Variants in TTLL6 observed in about 807,000 individuals in gnomAD.
TTLL6 encodes the protein tubulin polyglutamylase TTLL6.
A neutral mutation model predicts 96.4 loss-of-function variants in TTLL6; 75 were observed. That is an observed-to-expected ratio of 0.78 (90% confidence interval 0.65 to 0.94). The LOEUF (loss-of-function observed/expected upper bound fraction) is 0.94, where lower values mean the gene tolerates loss of function less well. TTLL6 is among the 40% of genes least tolerant of loss of function. The pLI is 0.00. For missense variants in TTLL6, 1,030 were observed against 1,093.0 expected (o/e 0.94, Z 0.81); for synonymous variants, 411 against 419.4 (o/e 0.98, Z 0.24).
intron 1 of TTLL6, among the ~76,000 whole-genome samples, chr17:48,809,460 A>G (rs1401862043): frequency 6.6e-6 from 1 of 152,158 alleles, no homozygotes; most frequent in Non-Finnish European, 1.5e-5. Flanking sequence ...TTGGGGAGAG[A>G]AAACTGACCC....
chr17:48,792,558 G>A (rs1346647600), intron 8 of TTLL6, among the ~76,000 whole-genome samples: 1 of 152,102 alleles, frequency 6.6e-6, no homozygotes, highest in Non-Finnish European at 1.5e-5. Context: ...GAGGAAGCAG[G>A]GTCAGCCAGA....
At chr17:48,795,544 T>G (rs1476723596) in intron 8 of TTLL6, among the ~76,000 whole-genome samples, 1 of 152,100 alleles carries the variant, frequency 6.6e-6, no homozygotes, top group African/African-American at 2.4e-5. Flanking sequence ...AAGCCTCTCG[T>G]GAAGATACTC....
chr17:48,799,326 A>G (rs569581397), intron 6 of TTLL6, among the ~76,000 whole-genome samples: 1 of 152,342 alleles, frequency 6.6e-6, no homozygotes, highest in East Asian at 1.9e-4. Context: ...GGGCTTCCCC[A>G]AACCAAAGGT....
intron 13 of TTLL6, among the ~76,000 whole-genome samples, chr17:48,772,705 T>C (rs1234390364): frequency 7.0e-6 from 1 of 142,366 alleles, no homozygotes; most frequent in East Asian, 2.0e-4. Context: ...CACTCCAGCC[T>C]GGCGACAGAG....
In TTLL6 at chr17:48,801,554, C is replaced by A; in HGVS notation, c.451G>T (p.Glu151Ter). 1 of 1,551,940 alleles carries A rather than the reference C, an allele frequency of 6.4e-7. No homozygotes were observed. Among genetic ancestry groups the A allele is most frequent in the Non-Finnish European group, 8.7e-7 (1 of 1,147,036 alleles). The change falls in exon 4 of 16, where the codon GAG becomes TAG. Residue 151 changes from glutamate (E) to a stop codon, truncating the protein, a stop_gained. Coordinates refer to ENST00000393382, the MANE Select transcript of TTLL6 (RefSeq NM_001130918.3). LOFTEE classifies it high-confidence loss of function. The part of the protein sequence containing the change: ...LYWTDYSVSL[E>*]RVMEMKSYQK... ...TAACTTTTCATTTCCATCACCCGCT[C>A]CAGTGACACTGAGTAATCTGTCCAA...
chr17:48,793,100 C>T (rs1003013286), intron 8 of TTLL6, among the ~76,000 whole-genome samples: 3 of 152,332 alleles, frequency 2.0e-5, no homozygotes, highest in Non-Finnish European at 1.5e-5. Context: ...TTCTCCTTCA[C>T]TGTGACCGCA....
intron 1 of TTLL6, 52 bp from the exon 2 acceptor site, chr17:48,805,043 A>T (rs1355708565): frequency 5.2e-5 from 74 of 1,410,770 alleles, no homozygotes; most frequent in Non-Finnish European, 1.7e-5. Context: ...CTGCAGGGGG[A>T]CCCCCTCCCT....
In TTLL6 at chr17:48,769,244, G is replaced by A. The variant is rs776337090; in HGVS notation, c.2421C>T (p.Ser807=). The A allele has an allele frequency of 2.5e-6, 4 of 1,599,532 alleles. No homozygotes were observed. In the South Asian group the frequency reaches 4.4e-5, roughly 18 times the overall value. Residue 807 remains serine, a synonymous_variant, in exon 15 of 16, where the codon TCC becomes TCT. Transcript: ENST00000393382. ...LGMNNLSQNP[S]LPGECHSRSD... ...TGCGGGAGTGGCACTCCCCAGGCAG[G>A]GAGGGGTTTTCTGGAAAGGCAAAGT... is the stretch of plus-strand genomic sequence containing the variant.
intron 8 of TTLL6, among the ~76,000 whole-genome samples, chr17:48,795,128 C>A (rs143240216): frequency 4.6e-5 from 7 of 152,248 alleles, no homozygotes; most frequent in Non-Finnish European, 1.0e-4. Flanking sequence ...GAGATCATGA[C>A]CATCCTGGCC....
chr17:48,780,014 G>A (rs576475810), intron 13 of TTLL6, among the ~76,000 whole-genome samples: 2 of 151,626 alleles, frequency 1.3e-5, no homozygotes, highest in East Asian at 3.9e-4. Flanking sequence ...GTAGGTTATA[G>A]GGTACATTTA....
intron 13 of TTLL6, 132 bp from the exon 14 acceptor site, chr17:48,770,229 A>G (rs2038711922): frequency 7.7e-7 from 1 of 1,292,836 alleles, no homozygotes. Context: ...ATTGGGCTCA[A>G]GTGATGCTCC....
chr17:48,787,151 C>T (rs1475690555), intron 11 of TTLL6, among the ~76,000 whole-genome samples: 1 of 151,894 alleles, frequency 6.6e-6, no homozygotes, highest in Non-Finnish European at 1.5e-5. Context: ...TATATGTGAT[C>T]CCTCCTCTGC....
intron 1 of TTLL6, among the ~76,000 whole-genome samples, chr17:48,812,510 T>C (rs981510252): frequency 3.9e-5 from 6 of 152,204 alleles, no homozygotes; most frequent in Non-Finnish European, 8.8e-5. Context: ...AGTTTCCTCA[T>C]CTGTAAAGTG....
In TTLL6 at chr17:48,790,045, A is replaced by T; in HGVS notation, c.1286T>A (p.Leu429Gln). The T allele has an allele frequency of 6.2e-7, 1 of 1,614,216 alleles. No homozygotes were observed. Among genetic ancestry groups the T allele is most frequent in the South Asian group, 1.1e-5 (1 of 91,078 alleles). ...GATCAGGACTAAGGTGTCATACAGC[A>T]GACCATCTTTCACCTCTTTATCCAA... Reference protein sequence around the residue: ...SRLDKEVKDGLLYDTLVLINL... With the variant: ...SRLDKEVKDGQLYDTLVLINL... Residue 429 changes from leucine to glutamine, a missense_variant, in exon 10 of 16, where the codon CTG (leucine) becomes CAG (glutamine). By Grantham distance (113) the Leu-to-Gln change is moderately radical. Transcript: ENST00000393382.
At chr17:48,811,365 C>A (rs1309454900) in intron 1 of TTLL6, among the ~76,000 whole-genome samples, 3 of 152,040 alleles carry the variant, frequency 2.0e-5, no homozygotes, top group Non-Finnish European at 4.4e-5. Context: ...GTGTGAGCCA[C>A]CATGCCCAGC....
intron 4 of TTLL6, 35 bp from the exon 5 acceptor site, chr17:48,801,420 G>T: frequency 6.4e-7 from 1 of 1,551,394 alleles, no homozygotes; most frequent in South Asian, 1.2e-5. Flanking sequence ...AGCAATCGAG[G>T]GACATGGGAG....
chr17:48,776,829 G>A (rs1283699840), intron 13 of TTLL6, among the ~76,000 whole-genome samples: 4 of 152,070 alleles, frequency 2.6e-5, no homozygotes, highest in Non-Finnish European at 5.9e-5. Flanking sequence ...CAGAATCCCA[G>A]TGTGCTTTTT....
In TTLL6 at chr17:48,799,697, A is replaced by T; in HGVS notation, c.675T>A (p.Asp225Glu). 3.2e-6 allele frequency: 5 copies of T among 1,551,778 alleles called. No homozygotes were observed. The highest frequency in any genetic ancestry group is 4.4e-6 in the Non-Finnish European group (5 of 1,146,988). The change falls in exon 6 of 16, where the codon GAT becomes GAA. Residue 225 changes from aspartate to glutamate, a missense_variant. Physicochemically the swap from Asp to Glu is conservative, Grantham distance 45. Transcript: ENST00000393382. ...ATATACCTTTCCCTTGGCAGCCCGA[A>T]TCCGGCTTACAAATGTATGTCTTAT... Reference protein sequence around the residue: ...RKNKTYICKPDSGCQGKGIFI... With the variant: ...RKNKTYICKPESGCQGKGIFI...
In TTLL6 at chr17:48,797,096, T is replaced by A; in HGVS notation, c.877A>T (p.Thr293Ser). Residue 293 changes from threonine (T) to serine (S), a missense_variant, in exon 7 of 16, where the codon ACG (threonine) becomes TCG (serine). Transcript: ENST00000393382. Reference sequence around the variant, plus strand: ...GTGCAAGGGCGGGAGTAAGAGGTCGTCGCAAAGCGGGCCAGTCCTTCATTG... The same window carrying A: ...GTGCAAGGGCGGGAGTAAGAGGTCGACGCAAAGCGGGCCAGTCCTTCATTG... ...VYNEGLARFA[T>S]TSYSRPCTDN... The A allele has an allele frequency of 6.4e-7, 1 of 1,551,426 alleles. No individual in the cohort carries two copies.
Sources: allele counts gnomAD v4.1 joint callset (sites outside exome capture counted in the v4.1 genomes callset), GRCh38; gene constraint gnomAD v4.1.1; transcripts MANE v1.5; gene names NCBI Gene and HGNC (gene_info 2026-07-23, HGNC 2026-07-21).